Variants in SENP7 observed in about 807,000 individuals in gnomAD.
SENP7 encodes the protein sentrin-specific protease 7.
Under a neutral mutation model 141.2 loss-of-function variants are expected in SENP7, and 64 were observed. The observed-to-expected ratio is 0.45, with a 90% CI of 0.37 to 0.56. The LOEUF (loss-of-function observed/expected upper bound fraction) is 0.56, where lower values mean the gene tolerates loss of function less well. Ranked by LOEUF, SENP7 falls within the 20% of genes least tolerant of loss-of-function variation. The probability of loss-of-function intolerance (pLI) is 0.00; values close to 1 mark genes in which losing one functional copy is unlikely to be tolerated. For missense variants in SENP7, 1,025 were observed against 1,212.2 expected (o/e 0.85, Z 2.29); for synonymous variants, 382 against 426.4 (o/e 0.90, Z 1.28).
intron 17 of SENP7, among the ~76,000 whole-genome samples, chr3:101,334,034 C>T (rs4683891): frequency 0.4 from 60,354 of 151,950 alleles, 12,503 homozygotes; most frequent in Admixed American, 0.54. Context: ...ACAGGGTTCG[C>T]GCTCCTGTGA....
At chr3:101,386,809 C>T (rs886298991) in intron 6 of SENP7, among the ~76,000 whole-genome samples, 3 of 152,240 alleles carry the variant, frequency 2.0e-5, no homozygotes, top group Non-Finnish European at 2.9e-5. Context: ...GGCAGAGCTG[C>T]TACAACATCT....
At chr3:101,387,511 G>A (rs1048367424) in intron 6 of SENP7, among the ~76,000 whole-genome samples, 3 of 152,044 alleles carry the variant, frequency 2.0e-5, no homozygotes, top group African/African-American at 7.2e-5. Context: ...ACTTCTGCTG[G>A]CGGCACCCAC....
intron 4 of SENP7, among the ~76,000 whole-genome samples, chr3:101,453,013 T>A (rs974276033): frequency 4.6e-5 from 7 of 151,808 alleles, no homozygotes; most frequent in African/African-American, 1.7e-4. Context: ...TCAAACAAAT[T>A]TATAAGAAAA....
rs965790355 is a variant in SENP7 at position 101,340,316 on chromosome 3, A to G, written c.2241-105T>C. 4 of 1,344,112 alleles carry G rather than the reference A, an allele frequency of 3.0e-6. No homozygotes were observed. In the African/African-American group the frequency reaches 6.1e-5, roughly 21 times the overall value. 83.3% of individuals were successfully genotyped at this position (1,344,112 alleles called of 1,614,324 possible). The stretch of plus-strand genomic sequence containing the variant: ...CTGGGCAGTGGTATTCTGTAACTCA[A>G]ATCTGTAGGGTAAAAAACATTTGAC... On this transcript the variant is annotated intron_variant, in intron 15 of 23. Coordinates refer to ENST00000394095, the MANE Select transcript of SENP7 (RefSeq NM_020654.5).
chr3:101,389,798 A>T (rs2060759290), intron 6 of SENP7, among the ~76,000 whole-genome samples: 1 of 152,252 alleles, frequency 6.6e-6, no homozygotes, highest in East Asian at 1.9e-4. Context: ...AACTGAAGTG[A>T]TAAATGATAA....
intron 3 of SENP7, among the ~76,000 whole-genome samples, chr3:101,465,505 A>C (rs1245828921): frequency 6.6e-6 from 1 of 152,156 alleles, no homozygotes; most frequent in African/African-American, 2.4e-5. Flanking sequence ...CCATTAACAA[A>C]AGCAGTCTGC....
intron 6 of SENP7, among the ~76,000 whole-genome samples, chr3:101,374,800 TTG>T (rs2060275110): frequency 6.6e-6 from 1 of 151,872 alleles, no homozygotes; most frequent in South Asian, 2.1e-4. Flanking sequence ...TCAAAAATTT[TTG>T]TTTATCAAAG....
chr3:101,406,163 A>G (rs2061296817), intron 5 of SENP7, among the ~76,000 whole-genome samples: 1 of 152,244 alleles, frequency 6.6e-6, no homozygotes, highest in Non-Finnish European at 1.5e-5. Context: ...TATTCACAAT[A>G]GCAAAGACTT....
intron 4 of SENP7, among the ~76,000 whole-genome samples, chr3:101,425,260 G>A (rs1050182782): frequency 1.3e-5 from 2 of 152,136 alleles, no homozygotes; most frequent in Non-Finnish European, 2.9e-5. Flanking sequence ...CCACCCATTG[G>A]AGAGTAGTGA....
intron 17 of SENP7, among the ~76,000 whole-genome samples, chr3:101,336,739 T>C (rs942484959): frequency 1.3e-5 from 2 of 152,142 alleles, no homozygotes; most frequent in East Asian, 3.9e-4. Flanking sequence ...AGGGGAGAAA[T>C]GCCTCATGTT....
At chr3:101,457,303 C>G in intron 4 of SENP7, 1 of 1,470,276 alleles carries the variant, frequency 6.8e-7, no homozygotes, top group Non-Finnish European at 9.4e-7. Context: ...ACTTCATCAT[C>G]ATCATCCTCC....
intron 1 of SENP7, among the ~76,000 whole-genome samples, chr3:101,509,595 T>C (rs1263007146): frequency 6.6e-6 from 1 of 152,252 alleles, no homozygotes; most frequent in Non-Finnish European, 1.5e-5. Flanking sequence ...ATTCCATTCA[T>C]TCCAATGACT....
intron 3 of SENP7, among the ~76,000 whole-genome samples, chr3:101,470,272 C>T (rs1307120928): frequency 1.3e-5 from 2 of 152,030 alleles, no homozygotes; most frequent in Admixed American, 1.3e-4. Context: ...TTCGGCAAAC[C>T]GAATCCAGCA....
intron 3 of SENP7, among the ~76,000 whole-genome samples, chr3:101,485,387 C>T (rs1343339207): frequency 1.3e-5 from 2 of 152,106 alleles, no homozygotes; most frequent in African/African-American, 4.8e-5. Context: ...CTGGAAAAGG[C>T]ATTGGTATCC....
intron 1 of SENP7, among the ~76,000 whole-genome samples, chr3:101,505,093 A>G (rs2065546904): frequency 6.6e-6 from 1 of 152,142 alleles, no homozygotes; most frequent in Admixed American, 6.6e-5. Flanking sequence ...AAAAAAAAGA[A>G]CTCAGAAAGT....
chr3:101,501,111 T>C lies in SENP7; in HGVS notation c.49A>G (p.Thr17Ala), dbSNP rs766515126. 1.9e-6 allele frequency: 3 copies of C among 1,606,424 alleles called. No individual in the cohort carries two copies. The highest frequency in any genetic ancestry group is 3.4e-5 in the Admixed American group (2 of 58,878). Residue 17 changes from threonine (T) to alanine (A), a missense_variant, in exon 2 of 24, where the codon ACA becomes GCA. Physicochemically the swap from Thr to Ala is moderately conservative, Grantham distance 58. Coordinates refer to ENST00000394095, the MANE Select transcript of SENP7 (RefSeq NM_020654.5). ...GATGACTTTTTCCTTTTTCCTTCTG[T>C]GATGATTTCTACAAAAACCAAAGAC... is the stretch of plus-strand genomic sequence containing the variant. ...GRRPSSSEII[T>A]EGKRKKSSSD...
intron 3 of SENP7, among the ~76,000 whole-genome samples, chr3:101,490,824 C>T (rs1028527823): frequency 6.6e-6 from 1 of 152,034 alleles, no homozygotes; most frequent in Non-Finnish European, 1.5e-5. Context: ...AGTGGAAATG[C>T]GGCAAGATAC....
At chr3:101,455,129 C>G (rs577612947) in intron 4 of SENP7, among the ~76,000 whole-genome samples, 1 of 152,270 alleles carries the variant, frequency 6.6e-6, no homozygotes, top group African/African-American at 2.4e-5. Context: ...TTCCCCCTCC[C>G]CAGGTGTATT....
intron 5 of SENP7, among the ~76,000 whole-genome samples, chr3:101,401,371 A>G (rs947556061): frequency 6.6e-6 from 1 of 151,938 alleles, no homozygotes. Context: ...TCTACTAAAA[A>G]TACAGAAATT....
Sources: gnomAD v4.1 joint callset for allele counts (sites outside exome capture counted in the v4.1 genomes callset) on GRCh38, gnomAD v4.1.1 for gene constraint, MANE v1.5 for transcripts, NCBI Gene and HGNC (gene_info 2026-07-23, HGNC 2026-07-21) for gene names.